The following BANP variants were observed in gnomAD, a reference collection of about 807,000 sequenced individuals.
The protein encoded by BANP is protein BANP.
BANP carries 11 observed loss-of-function variants against 68.1 expected under a neutral mutation model. That is an observed-to-expected ratio of 0.16 (90% confidence interval 0.10 to 0.27). The LOEUF (loss-of-function observed/expected upper bound fraction) is 0.27, where lower values mean the gene tolerates loss of function less well. BANP is among the 10% of genes least tolerant of loss of function. The pLI is 1.00. For synonymous variants in BANP, 329 were observed against 303.2 expected, an observed-to-expected ratio of 1.09 and a Z score of -0.88; for missense variants, 504 against 722.7, an observed-to-expected ratio of 0.70 and a Z score of 3.47.
chr16:87,959,602 G>A (rs913345223), intron 1 of BANP, among the ~76,000 whole-genome samples: 2 of 152,224 alleles, frequency 1.3e-5, no homozygotes, highest in Non-Finnish European at 2.9e-5. Flanking sequence ...AGGGCTTAGC[G>A]GCCATGGTCT....
At position 88,060,612 on chromosome 16, in the gene BANP, G is replaced by C. The variant is rs76949018; in HGVS notation, c.1312-4655G>C. 6.0e-3 allele frequency among the ~76,000 whole-genome samples: 910 copies of C among 152,346 alleles called. 11 individuals are homozygous for C. Among genetic ancestry groups the C allele is most frequent in the East Asian group, 0.04 (209 of 5,176 alleles). On this transcript the variant is annotated intron_variant, in intron 11 of 13. Coordinates refer to ENST00000682872, the MANE Select transcript of BANP (RefSeq NM_001386991.1). ...AGAGCCACGAGAACGGTGCCATCTGGAGGGTGCGTGGAGGCACGTGGAGGT... is the reference window on the plus strand; with the variant it reads ...AGAGCCACGAGAACGGTGCCATCTGCAGGGTGCGTGGAGGCACGTGGAGGT...
At chr16:87,958,351 G>A (rs372632689) in intron 1 of BANP, among the ~76,000 whole-genome samples, 1 of 152,190 alleles carries the variant, frequency 6.6e-6, no homozygotes, top group African/African-American at 2.4e-5. Context: ...AGCATGGTTC[G>A]GAGTGGCTAA....
At chr16:88,032,517 A>T (rs1223595769) in intron 8 of BANP, among the ~76,000 whole-genome samples, 2 of 152,198 alleles carry the variant, frequency 1.3e-5, no homozygotes, top group Admixed American at 1.3e-4. Flanking sequence ...TTTTATGCTT[A>T]AAAGCTTTTT....
intron 3 of BANP, chr16:87,982,542 C>G (rs1347050576): frequency 1.3e-5 from 2 of 152,186 alleles, no homozygotes; most frequent in Non-Finnish European, 2.9e-5. Flanking sequence ...ATGCCAGGGA[C>G]CGTGCCTCCT....
intron 11 of BANP, among the ~76,000 whole-genome samples, chr16:88,051,700 A>C (rs912884209): frequency 6.6e-6 from 1 of 152,216 alleles, no homozygotes; most frequent in Non-Finnish European, 1.5e-5. Context: ...AAAAATCCGC[A>C]TAGAGAAATT....
intron 4 of BANP, among the ~76,000 whole-genome samples, chr16:87,995,708 A>G (rs2066996980): frequency 6.6e-6 from 1 of 152,352 alleles, no homozygotes; most frequent in South Asian, 2.1e-4. Flanking sequence ...AGATATCCTG[A>G]TGGAGTTCCT....
intron 1 of BANP, among the ~76,000 whole-genome samples, chr16:87,967,831 T>C (rs375474334): frequency 4.2e-4 from 64 of 151,992 alleles, no homozygotes; most frequent in South Asian, 1.0e-3. Flanking sequence ...CCATGTTGGT[T>C]AGGCTGGTCT....
chr16:88,020,435 C>T (rs778490647), intron 7 of BANP, among the ~76,000 whole-genome samples: 1 of 152,218 alleles, frequency 6.6e-6, no homozygotes, highest in East Asian at 1.9e-4. Context: ...CGTGCTGGTG[C>T]TTGCTGTGTG....
At chr16:87,998,382 G>A (rs139067693) in intron 4 of BANP, among the ~76,000 whole-genome samples, 173 of 152,336 alleles carry the variant, frequency 1.1e-3, no homozygotes, top group African/African-American at 4.0e-3. Flanking sequence ...TGGCTGTGTG[G>A]CCTTGAATAG....
At chr16:87,955,135 G>A (rs767768467) in intron 1 of BANP, among the ~76,000 whole-genome samples, 1 of 152,184 alleles carries the variant, frequency 6.6e-6, no homozygotes, top group Non-Finnish European at 1.5e-5. Context: ...GTCCAGGAGG[G>A]CCTGCAGTGA....
intron 11 of BANP, among the ~76,000 whole-genome samples, chr16:88,041,956 A>G (rs1426901311): frequency 1.3e-5 from 2 of 152,052 alleles, no homozygotes; most frequent in Admixed American, 6.5e-5. Flanking sequence ...TAGGAGGGTG[A>G]GAGACGCAGT....
chr16:88,049,599 C>T (rs1008591846), intron 11 of BANP, among the ~76,000 whole-genome samples: 1 of 152,148 alleles, frequency 6.6e-6, no homozygotes, highest in African/African-American at 2.4e-5. Context: ...AGAGCCCGCC[C>T]CTGAGGTCCA....
rs989185094 is a variant in BANP at position 88,036,113 on chromosome 16, T to C, written c.1272+719T>C. Among the ~76,000 whole-genome samples the C allele has an allele frequency of 6.6e-6, 1 of 152,228 alleles. No homozygotes were observed. The highest frequency in any genetic ancestry group is 1.5e-5 in the Non-Finnish European group (1 of 68,038). ...GACCGTCCTTCGACTCTGGGCTGTT[T>C]CCTGCAGCACAGGCAGCAGCAGGCA... On this transcript the variant is annotated intron_variant, in intron 10 of 13. Coordinates refer to ENST00000682872, the MANE Select transcript of BANP (RefSeq NM_001386991.1). This position sits in a 1 kb window ranked among gnomAD's most constrained non-coding sequence, Gnocchi z 4.2.
chr16:88,019,968 C>T (rs2075672297), intron 7 of BANP, among the ~76,000 whole-genome samples: 1 of 152,216 alleles, frequency 6.6e-6, no homozygotes, highest in Non-Finnish European at 1.5e-5. Context: ...GTCATGGCAT[C>T]TTCCCATGTG....
chr16:88,004,482 C>T lies in BANP; in HGVS notation c.479+71C>T. 2 of 889,554 alleles carry T rather than the reference C, an allele frequency of 2.2e-6. No homozygotes were observed. The highest frequency in any genetic ancestry group is 3.5e-6 in the Non-Finnish European group (2 of 578,126). 55.1% of individuals were successfully genotyped at this position (889,554 alleles called of 1,614,324 possible). A position where few individuals can be genotyped will look rare whatever the true frequency, so the allele number is the denominator to read the frequency against. ...AGTCCCATGAGAATAAGTCAACGTC[C>T]CTAAGCCAGGGCACAGTCCAGCACA... On this transcript the variant is annotated intron_variant, in intron 5 of 13. Coordinates refer to ENST00000682872, the MANE Select transcript of BANP (RefSeq NM_001386991.1). The surrounding 1 kb of genome is among the most constrained non-coding windows in gnomAD (Gnocchi z 7.0).
intron 6 of BANP, among the ~76,000 whole-genome samples, chr16:88,014,620 C>G (rs1389324216): frequency 2.6e-5 from 4 of 152,080 alleles, no homozygotes; most frequent in Non-Finnish European, 5.9e-5. Context: ...CTGAGAGAGG[C>G]TGCAGGGATC....
In BANP at chr16:87,980,812, T is replaced by A. The variant is rs547745687; in HGVS notation, c.71-224T>A. 6 of 530,066 alleles carry A rather than the reference T, an allele frequency of 1.1e-5. No homozygotes were observed. The Admixed American group carries it at 1.6e-4, about 14-fold the overall frequency. 32.8% of individuals were successfully genotyped at this position (530,066 alleles called of 1,614,324 possible). On this transcript the variant is annotated intron_variant, in intron 2 of 13. Coordinates refer to ENST00000682872, the MANE Select transcript of BANP (RefSeq NM_001386991.1). The stretch of plus-strand genomic sequence containing the variant: ...TTGCAGGTTTGGAGTTAGGACTGAC[T>A]CAGTGGCACATTAATTGCCCAGTGT...
chr16:88,027,482 G>C lies in BANP; in HGVS notation c.896-1G>C. On this transcript the variant is annotated splice_acceptor_variant, in intron 7 of 13. Transcript: ENST00000682872. LOFTEE classifies it high-confidence loss of function. ...GCTTCTCCTTGGATGTGTCCTTCCAGGTCACCTTTTCTATAAATTTGGCAT... is the reference window on the plus strand; with the variant it reads ...GCTTCTCCTTGGATGTGTCCTTCCACGTCACCTTTTCTATAAATTTGGCAT... 6.2e-7 allele frequency: 1 copy of C among 1,613,434 alleles called. No individual in the cohort carries two copies. Among genetic ancestry groups the C allele is most frequent in the Non-Finnish European group, 8.5e-7 (1 of 1,179,840 alleles).
chr16:87,988,277 A>G (rs1399899173), intron 4 of BANP, among the ~76,000 whole-genome samples: 1 of 151,870 alleles, frequency 6.6e-6, no homozygotes, highest in Non-Finnish European at 1.5e-5. Flanking sequence ...GGACTCAGAT[A>G]TTTTGAGATG....
Sources: allele counts gnomAD v4.1 joint callset (sites outside exome capture counted in the v4.1 genomes callset), GRCh38; gene constraint gnomAD v4.1.1; non-coding constraint Gnocchi (gnomAD v3.1); transcripts MANE v1.5; gene names NCBI Gene and HGNC (gene_info 2026-07-23, HGNC 2026-07-21).